Variants in ABI3BP observed in about 807,000 individuals in gnomAD.
ABI3BP encodes ABI family member 3 binding protein, also known as target of Nesh-SH3.
Under a neutral mutation model 268.6 loss-of-function variants are expected in ABI3BP, and 216 were observed. The observed-to-expected ratio is 0.80, with a 90% CI of 0.72 to 0.90. The LOEUF is 0.90. Among genes scored for constraint, ABI3BP ranks in the 40% least tolerant of loss-of-function variants. The probability of loss-of-function intolerance (pLI) is 0.00; values close to 1 mark genes in which losing one functional copy is unlikely to be tolerated. For synonymous variants in ABI3BP, 730 were observed against 730.0 expected, an observed-to-expected ratio of 1.00 and a Z score of 0.00; for missense variants, 2,090 against 2,182.4, an observed-to-expected ratio of 0.96 and a Z score of 0.84.
In ABI3BP at chr3:100,816,681, C is replaced by T. The variant is rs1379828980; in HGVS notation, c.3229+7G>A. 3.3e-6 allele frequency: 5 copies of T among 1,535,294 alleles called. No homozygotes were observed. Among genetic ancestry groups the T allele is most frequent in the Non-Finnish European group, 4.4e-6 (5 of 1,146,146 alleles). The stretch of plus-strand genomic sequence containing the variant: ...TGGCTACTTAAGCCAAGGATTCATA[C>T]ATTTACCCGATTTGTTCTGAGGTAC... On this transcript the variant is annotated splice_region_variant and intron_variant, in intron 43 of 67. Transcript: ENST00000471714.
intron 1 of ABI3BP, among the ~76,000 whole-genome samples, chr3:100,975,808 A>G (rs547924415): frequency 7.9e-5 from 12 of 152,162 alleles, no homozygotes; most frequent in African/African-American, 2.6e-4. Flanking sequence ...AGTAAATAAA[A>G]AAACCCCACC....
intron 44 of ABI3BP, 91 bp from the exon 45 acceptor site, chr3:100,813,826 G>A: frequency 9.1e-7 from 1 of 1,099,076 alleles, no homozygotes; most frequent in Non-Finnish European, 1.3e-6. Flanking sequence ...AAAATACACA[G>A]ACCCTGAAAA....
At chr3:100,874,646 T>A (rs1429410485) in intron 9 of ABI3BP, among the ~76,000 whole-genome samples, 195 bp downstream of exon 9, 1 of 152,190 alleles carries the variant, frequency 6.6e-6, no homozygotes, top group African/African-American at 2.4e-5. Context: ...TATATAAATA[T>A]GTACATATAA....
rs1279038244 is a variant in ABI3BP at position 100,774,697 on chromosome 3, GT to G, written c.4463-25del. ...TTCTGAGAATGGAAAATAATGAACA[GT>G]TTTGGCAAAAGATAAAAAAGCTTCA... is the stretch of plus-strand genomic sequence containing the variant. On this transcript the variant is annotated intron_variant, in intron 60 of 67. Transcript: ENST00000471714. 9 of 1,509,572 alleles carry G rather than the reference GT, an allele frequency of 6.0e-6. 1 individual carries two copies. The South Asian group carries it at 1.0e-4, about 17-fold the overall frequency. 93.5% of individuals were successfully genotyped at this position (1,509,572 alleles called of 1,614,324 possible).
At chr3:100,819,168 T>G (rs1470278148) in intron 40 of ABI3BP, among the ~76,000 whole-genome samples, 7 of 152,150 alleles carry the variant, frequency 4.6e-5, no homozygotes, top group Non-Finnish European at 1.0e-4. Flanking sequence ...GAGTCATATC[T>G]TCAAGGACTT....
At chr3:100,862,208 T>C (rs957033645) in intron 14 of ABI3BP, 103 bp downstream of exon 14, 4 of 800,214 alleles carry the variant, frequency 5.0e-6, no homozygotes, top group Non-Finnish European at 7.8e-6. Context: ...ATTTTCCATT[T>C]ATTACAAAGC....
chr3:100,891,749 C>A (rs903016808), intron 4 of ABI3BP, among the ~76,000 whole-genome samples: 1 of 152,132 alleles, frequency 6.6e-6, no homozygotes, highest in Non-Finnish European at 1.5e-5. Flanking sequence ...TCTTGACATC[C>A]CACTTGCATA....
At chr3:100,763,801 A>T (rs73150761) in intron 63 of ABI3BP, among the ~76,000 whole-genome samples, 10,031 of 152,240 alleles carry the variant, frequency 0.066, 630 homozygotes, top group East Asian at 0.32. Context: ...CCCAAATGGC[A>T]CTCTTGCCAA....
chr3:100,756,955 G>A (rs1302027700), intron 63 of ABI3BP, among the ~76,000 whole-genome samples: 1 of 151,316 alleles, frequency 6.6e-6, no homozygotes, highest in Non-Finnish European at 1.5e-5. Flanking sequence ...AGCACATTTT[G>A]TCACAGATGA....
chr3:100,888,097 C>A (rs1308584011), intron 4 of ABI3BP, among the ~76,000 whole-genome samples: 1 of 151,952 alleles, frequency 6.6e-6, no homozygotes, highest in Non-Finnish European at 1.5e-5. Context: ...AGGCACAAAC[C>A]ACTGAAAGGC....
intron 60 of ABI3BP, 27 bp downstream of exon 60, chr3:100,775,180 C>T (rs9814717): frequency 6.2e-7 from 1 of 1,608,774 alleles, no homozygotes; most frequent in East Asian, 2.2e-5. Context: ...AGCTAAGTAT[C>T]CAGTGAGAAC....
At chr3:100,987,147 A>C (rs1252278298) in intron 1 of ABI3BP, among the ~76,000 whole-genome samples, 4 of 152,208 alleles carry the variant, frequency 2.6e-5, no homozygotes, top group African/African-American at 9.6e-5. Flanking sequence ...ACCTACTGTT[A>C]TAAATTGCAA....
chr3:100,781,964 C>G (rs1379193703), intron 57 of ABI3BP, among the ~76,000 whole-genome samples: 1 of 152,174 alleles, frequency 6.6e-6, no homozygotes, highest in Admixed American at 6.5e-5. Context: ...ATGCCAGGAT[C>G]CAAAGCCTAT....
intron 56 of ABI3BP, among the ~76,000 whole-genome samples, chr3:100,788,435 C>T (rs2097111976): frequency 1.3e-5 from 2 of 152,076 alleles, no homozygotes; most frequent in Non-Finnish European, 2.9e-5. Context: ...ATGTGAGAAG[C>T]TCTGGAGCCA....
At chr3:100,981,427 G>A (rs372076764) in intron 1 of ABI3BP, among the ~76,000 whole-genome samples, 1 of 152,200 alleles carries the variant, frequency 6.6e-6, no homozygotes, top group East Asian at 1.9e-4. Context: ...AAGAGGAGGG[G>A]CAGGAGAAGG....
At chr3:100,856,178 A>G (rs1219153638) in intron 14 of ABI3BP, among the ~76,000 whole-genome samples, 1 of 152,198 alleles carries the variant, frequency 6.6e-6, no homozygotes, top group East Asian at 1.9e-4. Context: ...ATAAATGAGC[A>G]TGTCCTTATA....
intron 3 of ABI3BP, among the ~76,000 whole-genome samples, chr3:100,900,867 G>A (rs566749121): frequency 6.6e-6 from 1 of 152,146 alleles, no homozygotes; most frequent in Non-Finnish European, 1.5e-5. Flanking sequence ...TCTAAGGCTA[G>A]TGTCATAGAA....
chr3:100,766,501 T>C (rs1034864335), intron 62 of ABI3BP, among the ~76,000 whole-genome samples: 1 of 152,242 alleles, frequency 6.6e-6, no homozygotes, highest in African/African-American at 2.4e-5. Flanking sequence ...TATTTTGAAC[T>C]ATAGGAGTAG....
chr3:100,963,639 A>G (rs994330283), intron 1 of ABI3BP, among the ~76,000 whole-genome samples: 3 of 152,192 alleles, frequency 2.0e-5, no homozygotes, highest in African/African-American at 7.2e-5. Flanking sequence ...TTGACCCTCC[A>G]ATGTATGTTA....
Sources: allele counts gnomAD v4.1 joint callset (sites outside exome capture counted in the v4.1 genomes callset), GRCh38; gene constraint gnomAD v4.1.1; transcripts MANE v1.5; gene names NCBI Gene and HGNC (gene_info 2026-07-23, HGNC 2026-07-21).